Variants in WNK1 observed in about 807,000 individuals in gnomAD.
WNK1 encodes serine/threonine-protein kinase WNK1.
In WNK1, 38 loss-of-function variants were observed where a neutral mutation model predicts 222.8. The observed-to-expected ratio is 0.17, with a 90% CI of 0.13 to 0.22. The LOEUF (loss-of-function observed/expected upper bound fraction) is 0.22, where lower values mean the gene tolerates loss of function less well. Ranked by LOEUF, WNK1 falls within the 10% of genes least tolerant of loss-of-function variation. The pLI is 1.00. For synonymous variants in WNK1, 1,090 were observed against 1,092.9 expected, an observed-to-expected ratio of 1.00 and a Z score of 0.05; for missense variants, 2,348 against 2,918.4, an observed-to-expected ratio of 0.80 and a Z score of 4.50.
At chr12:850,797 G>A (rs1950365999) in intron 4 of WNK1, among the ~76,000 whole-genome samples, 1 of 152,156 alleles carries the variant, frequency 6.6e-6, no homozygotes, top group African/African-American at 2.4e-5. Context: ...TGGCTAGCCA[G>A]TTTTCCCAGC....
rs1424331910 is a variant in WNK1 at position 908,916 on chromosome 12, G to A, written c.*124G>A. The stretch of plus-strand genomic sequence containing the variant: ...GCATTTAACTGGTTATTTCTTGCCA[G>A]AGGGGAATGTTTTTAATACTGCATT... On this transcript the variant is annotated 3_prime_UTR_variant, in exon 28 of 28. Coordinates refer to ENST00000315939, the MANE Select transcript of WNK1 (RefSeq NM_018979.4). 8.8e-7 allele frequency: 1 copy of A among 1,134,634 alleles called. No individual in the cohort carries two copies. Among genetic ancestry groups the A allele is most frequent in the Non-Finnish European group, 1.3e-6 (1 of 784,086 alleles). The allele number at this position is 1,134,634 out of a possible 1,614,324, so 70.3% of individuals were successfully genotyped here.
chr12:869,521 A>G (rs72649860), intron 8 of WNK1, among the ~76,000 whole-genome samples: 2 of 152,166 alleles, frequency 1.3e-5, no homozygotes, highest in Non-Finnish European at 2.9e-5. Flanking sequence ...TTTTTTTTCT[A>G]TAAAATATAA....
chr12:899,866 A>G (rs939082596), intron 25 of WNK1, among the ~76,000 whole-genome samples: 2 of 151,930 alleles, frequency 1.3e-5, no homozygotes, highest in African/African-American at 4.8e-5. Flanking sequence ...GGTAAAAAAA[A>G]AAGCAATCAT....
intron 4 of WNK1, among the ~76,000 whole-genome samples, chr12:848,864 T>C (rs1950219663): frequency 6.6e-6 from 1 of 152,196 alleles, no homozygotes; most frequent in Non-Finnish European, 1.5e-5. Flanking sequence ...CTTTATAGAA[T>C]CTAGATATTT....
At chr12:887,455 C>A in intron 20 of WNK1, 151 bp downstream of exon 20, 1 of 746,404 alleles carries the variant, frequency 1.3e-6, no homozygotes, top group Non-Finnish European at 2.3e-6. Context: ...TGACCCAGTT[C>A]CTACTTAAGT....
intron 9 of WNK1, among the ~76,000 whole-genome samples, chr12:875,788 T>A (rs1449563174): frequency 6.6e-6 from 1 of 152,222 alleles, no homozygotes; most frequent in Non-Finnish European, 1.5e-5. Flanking sequence ...TGCTGGTGTC[T>A]TTACCTATGT....
Position 865,298 on chromosome 12 carries a change from G to C in WNK1, c.2139+3028G>C, listed in dbSNP as rs906067465. 31 of 1,535,972 alleles carry C rather than the reference G, an allele frequency of 2.0e-5. No homozygotes were observed. Among genetic ancestry groups the C allele is most frequent in the Admixed American group, 1.4e-4 (7 of 50,978 alleles). Reference sequence around the variant, plus strand: ...TTTCTAAAGCATTGGAGAGTGTCCTGCCTATGCACTCTGCCTCTCAGCGCA... The same window carrying C: ...TTTCTAAAGCATTGGAGAGTGTCCTCCCTATGCACTCTGCCTCTCAGCGCA... On this transcript the variant is annotated intron_variant, in intron 8 of 27. Transcript: ENST00000315939.
chr12:901,433 C>T (rs1481001138), intron 26 of WNK1: 4 of 461,554 alleles, frequency 8.7e-6, no homozygotes, highest in Non-Finnish European at 1.4e-5. Flanking sequence ...ACCTTCCCCC[C>T]AGAAGCTTGT....
Position 780,278 on chromosome 12 carries a change from G to T in WNK1, c.759+25954G>T, listed in dbSNP as rs1943563282. On this transcript the variant is annotated intron_variant, in intron 1 of 27. Transcript: ENST00000315939. ...GTATTTTGGATATACTTCAAGTTTT[G>T]AATGATAACCGTTAAAATACATACA... Among the ~76,000 whole-genome samples, 3 of 152,130 alleles carry T rather than the reference G, an allele frequency of 2.0e-5. No individual in the cohort carries two copies. The South Asian group carries it at 6.2e-4, about 32-fold the overall frequency.
Position 889,233 on chromosome 12 carries a change from G to T in WNK1, c.5448+10G>T. On this transcript the variant is annotated intron_variant, in intron 21 of 27. Coordinates refer to ENST00000315939, the MANE Select transcript of WNK1 (RefSeq NM_018979.4). ...GACTTCTGCGGTTGGTGTAAGTTTT[G>T]AAAATCTTGATAAAATCTCCTCATA... The T allele has an allele frequency of 6.2e-7, 1 of 1,609,904 alleles. No homozygotes were observed. The highest frequency in any genetic ancestry group is 1.1e-5 in the South Asian group (1 of 90,996).
At position 885,083 on chromosome 12, in the gene WNK1, A is replaced by C; in HGVS notation, c.4279A>C (p.Thr1427Pro). ...TIPAVVSISTTSPSLQVPTST... is the reference protein window; with the variant it reads ...TIPAVVSISTPSPSLQVPTST... ...ACCTGCAGTTGTCTCAATATCTACTACATCCCCGTCACTTCAAGTCCCCAC... is the reference window on the plus strand; with the variant it reads ...ACCTGCAGTTGTCTCAATATCTACTCCATCCCCGTCACTTCAAGTCCCCAC... Residue 1427 changes from threonine to proline, a missense_variant, in exon 19 of 28, where the codon ACA (threonine) becomes CCA (proline). Around this residue, in one of 13 missense-constraint regions of WNK1, gnomAD observed 1,144 missense variants for 1,273.6 expected, o/e 0.90. Coordinates refer to ENST00000315939, the MANE Select transcript of WNK1 (RefSeq NM_018979.4). The C allele has an allele frequency of 6.2e-7, 1 of 1,614,186 alleles. No homozygotes were observed. The highest frequency in any genetic ancestry group is 8.5e-7 in the Non-Finnish European group (1 of 1,180,030).
rs1289250994 is a variant in WNK1 at position 865,109 on chromosome 12, G to A, written c.2139+2839G>A. The A allele has an allele frequency of 8.0e-6, 12 of 1,507,514 alleles. No individual in the cohort carries two copies. In the East Asian group the frequency reaches 9.9e-5, roughly 12 times the overall value. The allele number at this position is 1,507,514 out of a possible 1,614,324, so 93.4% of individuals were successfully genotyped here. ...CATGTGTGTGTTTGTTTTGTGTTGA[G>A]CCTCGTCGTGGCCGTAGCATGTCGG... On this transcript the variant is annotated intron_variant, in intron 8 of 27. Transcript: ENST00000315939.
At chr12:779,398 T>C (rs1234298853) in intron 1 of WNK1, among the ~76,000 whole-genome samples, 1 of 12,544 alleles carries the variant, frequency 8.0e-5, no homozygotes, top group Non-Finnish European at 2.7e-4. Context: ...TTCTTTTCTG[T>C]TTTTTTTTTT....
At chr12:906,080 G>C (rs1043303003) in intron 26 of WNK1, among the ~76,000 whole-genome samples, 4 of 152,172 alleles carry the variant, frequency 2.6e-5, no homozygotes, top group African/African-American at 9.7e-5. Flanking sequence ...ATTGCGTTAG[G>C]TGTGCTGCTG....
rs1262070698 is a variant in WNK1, at chr12:885,920, A to G, written c.5116A>G (p.Thr1706Ala). Reference protein sequence around the residue: ...AVAPSKLLTSTTSTCLPPTNL... With the variant: ...AVAPSKLLTSATSTCLPPTNL... Reference sequence around the variant, plus strand: ...TGCACCAAGCAAACTCCTGACTTCTACCACAAGTACTTGCTTACCACCAAC... The same window carrying G: ...TGCACCAAGCAAACTCCTGACTTCTGCCACAAGTACTTGCTTACCACCAAC... Residue 1706 changes from threonine to alanine, a missense_variant, in exon 19 of 28, where the codon ACC becomes GCC. By Grantham distance (58) the Thr-to-Ala change is moderately conservative. Around this residue, in one of 13 missense-constraint regions of WNK1, gnomAD observed 1,144 missense variants for 1,273.6 expected, o/e 0.90. Transcript: ENST00000315939. 10 of 1,604,144 alleles carry G rather than the reference A, an allele frequency of 6.2e-6. No homozygotes were observed. The highest frequency in any genetic ancestry group is 1.7e-4 in the Middle Eastern group (1 of 6,014).
chr12:801,574 A>T (rs1409770814), intron 1 of WNK1, among the ~76,000 whole-genome samples: 12 of 134,000 alleles, frequency 9.0e-5, no homozygotes, highest in Non-Finnish European at 9.7e-5. Context: ...ATGCCTGACC[A>T]TTTTTTTTTT....
chr12:755,704 C>T (rs558972112), intron 1 of WNK1, among the ~76,000 whole-genome samples: 1 of 152,104 alleles, frequency 6.6e-6, no homozygotes, highest in East Asian at 1.9e-4. Context: ...GGGCCAGGCA[C>T]GGTGGCTCAC....
At chr12:886,163 C>A in intron 19 of WNK1, 79 bp downstream of exon 19, 1 of 1,256,356 alleles carries the variant, frequency 8.0e-7, no homozygotes, top group Non-Finnish European at 1.1e-6. Flanking sequence ...TTCACTTCAG[C>A]CTTGTAAGTT....
chr12:894,968 A>C (rs1954610454), intron 23 of WNK1, among the ~76,000 whole-genome samples: 1 of 152,192 alleles, frequency 6.6e-6, no homozygotes, highest in Non-Finnish European at 1.5e-5. Flanking sequence ...TCCAAATGTT[A>C]CAGCTTTTTT....
Sources: allele counts gnomAD v4.1 joint callset (sites outside exome capture counted in the v4.1 genomes callset), GRCh38; gene constraint gnomAD v4.1.1; regional missense constraint gnomAD v4.1.1; transcripts MANE v1.5; gene names NCBI Gene and HGNC (gene_info 2026-07-23, HGNC 2026-07-21).